CRABP1: variants seen among roughly 807,000 people sequenced by gnomAD.
CRABP1 encodes the protein cellular retinoic acid binding protein 1, also known as cellular retinoic acid-binding protein 1.
In CRABP1, 9 loss-of-function variants were observed where a neutral mutation model predicts 16.4. The observed-to-expected ratio is 0.55, with a 90% CI of 0.33 to 0.96. The LOEUF (loss-of-function observed/expected upper bound fraction) is 0.96. Among genes scored for constraint, CRABP1 ranks in the 40% least tolerant of loss-of-function variants. The pLI is 0.03. For synonymous variants in CRABP1, 72 were observed against 70.4 expected, an observed-to-expected ratio of 1.02 and a Z score of -0.11; for missense variants, 157 against 186.0, an observed-to-expected ratio of 0.84 and a Z score of 0.91.
intron 3 of CRABP1, among the ~76,000 whole-genome samples, chr15:78,345,888 G>A (rs1437261703): frequency 2.6e-5 from 4 of 152,156 alleles, no homozygotes; most frequent in South Asian, 2.1e-4. Flanking sequence ...CTCTCCCAGC[G>A]CCAACAGTAA....
rs550221322 is a variant in CRABP1 at position 78,342,000 on chromosome 15, A to ATT, written c.249+790_249+791dup. Among the ~76,000 whole-genome samples, 517 of 147,244 alleles carry ATT rather than the reference A, an allele frequency of 3.5e-3. 6 individuals are homozygous for ATT. Among genetic ancestry groups the ATT allele is most frequent in the African/African-American group, 0.012 (498 of 40,456 alleles). On this transcript the variant is annotated intron_variant, in intron 2 of 3. Coordinates refer to ENST00000299529, the MANE Select transcript of CRABP1 (RefSeq NM_004378.3). This position sits in a 1 kb window ranked among gnomAD's most constrained non-coding sequence, Gnocchi z 5.3. ...CAGAATGTCTCCCTCCCCTTCTCCAATTTTTTTTTTTTAAAGAAAAAAGTC... is the reference window on the plus strand; with the variant it reads ...CAGAATGTCTCCCTCCCCTTCTCCAATTTTTTTTTTTTTTAAAGAAAAAAGTC...
intron 2 of CRABP1, among the ~76,000 whole-genome samples, chr15:78,342,319 A>G (rs2050239912): frequency 6.6e-6 from 1 of 152,120 alleles, no homozygotes; most frequent in South Asian, 2.1e-4. Context: ...GGCAATAGGC[A>G]GGGCTCAGTC....
At chr15:78,346,073 T>C (rs2050263534) in intron 3 of CRABP1, among the ~76,000 whole-genome samples, 1 of 152,226 alleles carries the variant, frequency 6.6e-6, no homozygotes, top group Non-Finnish European at 1.5e-5. Context: ...GTCATGAAGC[T>C]ATTTGTTAGC....
intron 3 of CRABP1, among the ~76,000 whole-genome samples, chr15:78,344,209 C>T (rs922311861): frequency 6.6e-6 from 1 of 152,108 alleles, no homozygotes; most frequent in Non-Finnish European, 1.5e-5. Flanking sequence ...TATTCAGATC[C>T]CAGCATTCTG....
chr15:78,340,598 G>T (rs1226912461), intron 1 of CRABP1, 100 bp downstream of exon 1: 14 of 1,386,268 alleles, frequency 1.0e-5, no homozygotes, highest in Admixed American at 4.5e-5. Context: ...AAGTTGGGGA[G>T]CCCAGGCAGG....
rs556959596 is a variant in CRABP1 at position 78,340,353 on chromosome 15, A to C, written c.-76A>C. The C allele has an allele frequency of 5.2e-5, 79 of 1,517,548 alleles. No individual in the cohort carries two copies. In the African/African-American group the frequency reaches 1.0e-3, roughly 19 times the overall value. 94.0% of individuals were successfully genotyped at this position (1,517,548 alleles called of 1,614,324 possible). A position where few individuals can be genotyped will look rare whatever the true frequency, so the allele number is the denominator to read the frequency against. ...CGCGCAGCGCTGGGCGCAAAGCGCC[A>C]GTCTCCGCCTTGCGAGCTCAGAGTG... On this transcript the variant is annotated 5_prime_UTR_variant, in exon 1 of 4. Coordinates refer to ENST00000299529, the MANE Select transcript of CRABP1 (RefSeq NM_004378.3).
chr15:78,342,408 C>G (rs1040444540), intron 2 of CRABP1, among the ~76,000 whole-genome samples: 4 of 152,136 alleles, frequency 2.6e-5, no homozygotes, highest in African/African-American at 9.7e-5. Context: ...CACACAACAG[C>G]CGGGAGAGTG....
At chr15:78,342,749 C>T (rs1352083157) in intron 2 of CRABP1, among the ~76,000 whole-genome samples, 1 of 152,180 alleles carries the variant, frequency 6.6e-6, no homozygotes, top group Admixed American at 6.5e-5. Flanking sequence ...GAGGAGTGAA[C>T]AGAAAGGACG....
Position 78,341,329 on chromosome 15 carries a change from C to T in CRABP1, c.249+108C>T. 1 of 1,317,334 alleles carries T rather than the reference C, an allele frequency of 7.6e-7. No homozygotes were observed. Among genetic ancestry groups the T allele is most frequent in the Non-Finnish European group, 1.1e-6 (1 of 934,666 alleles). 81.6% of individuals were successfully genotyped at this position (1,317,334 alleles called of 1,614,324 possible). A position where few individuals can be genotyped will look rare whatever the true frequency, so the allele number is the denominator to read the frequency against. On this transcript the variant is annotated intron_variant, in intron 2 of 3. Transcript: ENST00000299529. The surrounding 1 kb of genome is among the most constrained non-coding windows in gnomAD (Gnocchi z 5.3). Reference sequence around the variant, plus strand: ...CCTTTGCAGCCTGTGGCGCGCCTTCCTTGCAGGGTGTGTACACTGGCTGTT... The same window carrying T: ...CCTTTGCAGCCTGTGGCGCGCCTTCTTTGCAGGGTGTGTACACTGGCTGTT...
In CRABP1 at chr15:78,341,210, C is replaced by T. The variant is rs2050231977; in HGVS notation, c.238C>T (p.Arg80Cys). ...EGFEEETVDG[R>C]KCRSLATWEN... Reference sequence around the variant, plus strand: ...CTTTGAGGAGGAGACCGTGGACGGACGCAAGTGCAGGGTGAGGCCCCAGAG... The same window carrying T: ...CTTTGAGGAGGAGACCGTGGACGGATGCAAGTGCAGGGTGAGGCCCCAGAG... Residue 80 changes from arginine (R) to cysteine (C), a missense_variant, in exon 2 of 4, where the codon CGC becomes TGC. Coordinates refer to ENST00000299529, the MANE Select transcript of CRABP1 (RefSeq NM_004378.3). This position sits in a 1 kb window ranked among gnomAD's most constrained non-coding sequence, Gnocchi z 5.3. 4 of 1,609,994 alleles carry T rather than the reference C, an allele frequency of 2.5e-6. No individual in the cohort carries two copies. Among genetic ancestry groups the T allele is most frequent in the Admixed American group, 1.7e-5 (1 of 59,398 alleles).
Position 78,340,973 on chromosome 15 carries a change from C to G in CRABP1, c.71-70C>G, listed in dbSNP as rs60290513. On this transcript the variant is annotated intron_variant, in intron 1 of 3. Coordinates refer to ENST00000299529, the MANE Select transcript of CRABP1 (RefSeq NM_004378.3). ...GCCCCTTTCTAAAGTTAGGGTATGA[C>G]CAGTGCCCGACCGGTCCCGAGACTG... 0.021 allele frequency: 31,426 copies of G among 1,493,196 alleles called. 3,183 individuals carry two copies. The African/African-American group carries it at 0.29, about 14-fold the overall frequency. The allele number at this position is 1,493,196 out of a possible 1,614,324, so 92.5% of individuals were successfully genotyped here.
chr15:78,342,081 G>A (rs868178231), intron 2 of CRABP1, among the ~76,000 whole-genome samples: 2 of 151,886 alleles, frequency 1.3e-5, no homozygotes, highest in East Asian at 3.9e-4. Flanking sequence ...GCAGTGCCTG[G>A]TCTGATCTCG....
intron 1 of CRABP1, chr15:78,340,754 C>G (rs2050228538): frequency 1.7e-6 from 1 of 601,722 alleles, no homozygotes; most frequent in Non-Finnish European, 2.9e-6. Flanking sequence ...TTATCTCGTG[C>G]TAGATCATAG....
At chr15:78,340,993 A>C in intron 1 of CRABP1, 50 bp from the exon 2 acceptor site, 1 of 1,565,810 alleles carries the variant, frequency 6.4e-7, no homozygotes, top group East Asian at 2.3e-5. Flanking sequence ...ACCGGTCCCG[A>C]GACTGGCGGC....
chr15:78,343,810 T>A (rs1290777204), intron 3 of CRABP1, among the ~76,000 whole-genome samples, 198 bp downstream of exon 3: 1 of 151,900 alleles, frequency 6.6e-6, no homozygotes, highest in Non-Finnish European at 1.5e-5. Flanking sequence ...GAAAGAGGAG[T>A]GGCTCAGAGG....
intron 2 of CRABP1, 22 bp from the exon 3 acceptor site, chr15:78,343,477 C>T (rs774380867): frequency 6.3e-7 from 1 of 1,584,892 alleles, no homozygotes; most frequent in African/African-American, 1.3e-5. Context: ...ATTAATGTCA[C>T]TAATGGTTTT....
chr15:78,343,675 C>T, intron 3 of CRABP1, 63 bp downstream of exon 3: 2 of 1,231,638 alleles, frequency 1.6e-6, no homozygotes, highest in East Asian at 2.4e-5. Flanking sequence ...CAGATGGGCC[C>T]CACAAATATG....
rs1300301318 is a variant in CRABP1, at chr15:78,348,172, T to C, written c.*195T>C. Reference sequence around the variant, plus strand: ...TGCCTCTTGTATCCCTAGTGCTCCATAGTTTGGCATTTGCACGGTTTCGAA... The same window carrying C: ...TGCCTCTTGTATCCCTAGTGCTCCACAGTTTGGCATTTGCACGGTTTCGAA... On this transcript the variant is annotated 3_prime_UTR_variant, in exon 4 of 4. Coordinates refer to ENST00000299529, the MANE Select transcript of CRABP1 (RefSeq NM_004378.3). 30 of 589,750 alleles carry C rather than the reference T, an allele frequency of 5.1e-5. No homozygotes were observed. Among genetic ancestry groups the C allele is most frequent in the Non-Finnish European group, 8.4e-5 (28 of 334,092 alleles). 36.5% of individuals were successfully genotyped at this position (589,750 alleles called of 1,614,324 possible).
Position 78,347,947 on chromosome 15 carries a change from G to A in CRABP1, c.384G>A (p.Val128=), listed in dbSNP as rs778444749. 1 of 1,613,894 alleles carries A rather than the reference G, an allele frequency of 6.2e-7. No homozygotes were observed. Among genetic ancestry groups the A allele is most frequent in the African/African-American group, 1.3e-5 (1 of 74,862 alleles). Residue 128 remains valine (V), a synonymous_variant, in exon 4 of 4, where the codon GTG becomes GTA. Coordinates refer to ENST00000299529, the MANE Select transcript of CRABP1 (RefSeq NM_004378.3). The stretch of plus-strand genomic sequence containing the variant: ...TGCAGACGTTTGGCGCCGATGACGT[G>A]GTCTGCACCAGAATTTATGTCCGAG... ...ELILTFGADD[V]VCTRIYVRE
Sources: gnomAD v4.1 joint callset for allele counts (sites outside exome capture counted in the v4.1 genomes callset) on GRCh38, gnomAD v4.1.1 for gene constraint, Gnocchi (gnomAD v3.1) non-coding constraint, MANE v1.5 for transcripts, NCBI Gene and HGNC (gene_info 2026-07-23, HGNC 2026-07-21) for gene names.